The following RAB11A variants were observed in gnomAD, a reference collection of about 807,000 sequenced individuals.
The protein encoded by RAB11A is RAB11A, member RAS oncogene family, also known as ras-related protein Rab-11A.
RAB11A carries 9 observed loss-of-function variants against 28.0 expected under a neutral mutation model. That is an observed-to-expected ratio of 0.32 (90% CI 0.19 to 0.56). The LOEUF is 0.56. RAB11A is among the 20% of genes least tolerant of loss of function. The pLI is 0.91. For missense variants in RAB11A, 108 were observed against 269.6 expected (o/e 0.40, Z 4.20); for synonymous variants, 85 against 88.2 (o/e 0.96, Z 0.20).
chr15:65,878,656 C>T (rs1388421133), intron 3 of RAB11A, among the ~76,000 whole-genome samples: 5 of 152,100 alleles, frequency 3.3e-5, no homozygotes, highest in Admixed American at 6.5e-5. Flanking sequence ...CCGGCCTGGG[C>T]GAAAGAGCGA....
At chr15:65,881,535 T>G (rs906369795) in intron 4 of RAB11A, among the ~76,000 whole-genome samples, 1 of 152,196 alleles carries the variant, frequency 6.6e-6, no homozygotes, top group Admixed American at 6.5e-5. Context: ...TTTTTTATGT[T>G]CCATCAAATC....
intron 4 of RAB11A, among the ~76,000 whole-genome samples, chr15:65,883,487 C>T (rs1446408078): frequency 8.5e-5 from 13 of 152,158 alleles, no homozygotes. Context: ...ATTGGATGTC[C>T]TATTAATTAC....
chr15:65,886,326 T>C (rs555671624), intron 4 of RAB11A, among the ~76,000 whole-genome samples: 1 of 152,350 alleles, frequency 6.6e-6, no homozygotes, highest in African/African-American at 2.4e-5. Flanking sequence ...TTAAAATAGA[T>C]GGCTACTCTC....
rs369208666 is a variant in RAB11A at position 65,882,415 on chromosome 15, G to A, written c.511+2664G>A. ...CTTAAATGTTAACAGTCTTAAGGGA[G>A]TATTTACGTTGTGTTTTGATATTGC... is the stretch of plus-strand genomic sequence containing the variant. On this transcript the variant is annotated intron_variant, in intron 4 of 4. Transcript: ENST00000261890. 1.5e-4 allele frequency among the ~76,000 whole-genome samples: 23 copies of A among 152,306 alleles called. No homozygotes were observed. In the East Asian group the frequency reaches 2.1e-3, roughly 14 times the overall value.
intron 1 of RAB11A, among the ~76,000 whole-genome samples, chr15:65,873,895 C>T (rs189793890): frequency 1.7e-4 from 26 of 152,130 alleles, no homozygotes; most frequent in African/African-American, 4.3e-4. Flanking sequence ...CTGCCTTGAA[C>T]GCATTGTATA....
At chr15:65,876,387 C>A (rs1012821229) in intron 1 of RAB11A, among the ~76,000 whole-genome samples, 32 of 152,166 alleles carry the variant, frequency 2.1e-4, no homozygotes, top group African/African-American at 7.7e-4. Flanking sequence ...ACCTCTGCTT[C>A]CCGGGTTCAA....
Position 65,869,639 on chromosome 15 carries a change from C to T in RAB11A, c.40+14C>T, listed in dbSNP as rs766603681. The stretch of plus-strand genomic sequence containing the variant: ...ACCTCTTTAAAGGTGAGGCCATGGG[C>T]TCTCGCACTCTACACAGTCCTCGTT... On this transcript the variant is annotated intron_variant, in intron 1 of 4. Coordinates refer to ENST00000261890, the MANE Select transcript of RAB11A (RefSeq NM_004663.5). 2 of 1,610,576 alleles carry T rather than the reference C, an allele frequency of 1.2e-6. No homozygotes were observed. Among genetic ancestry groups the T allele is most frequent in the Non-Finnish European group, 8.5e-7 (1 of 1,179,170 alleles).
intron 3 of RAB11A, among the ~76,000 whole-genome samples, chr15:65,878,829 T>C (rs2078204305): frequency 6.6e-6 from 1 of 152,224 alleles, no homozygotes; most frequent in Non-Finnish European, 1.5e-5. Context: ...TACGGAATAC[T>C]ATAGCCAATG....
chr15:65,872,743 C>CT (rs1198651382), intron 1 of RAB11A, among the ~76,000 whole-genome samples: 4 of 152,114 alleles, frequency 2.6e-5, no homozygotes, highest in African/African-American at 9.7e-5. Flanking sequence ...CAGATTTCTA[C>CT]TTTTTTAAAG....
chr15:65,869,775 C>T, intron 1 of RAB11A, 150 bp downstream of exon 1: 5 of 811,938 alleles, frequency 6.2e-6, no homozygotes, highest in Non-Finnish European at 9.0e-6. Context: ...CCAGCTCAGC[C>T]TCTTCTCCCC....
At chr15:65,882,220 C>T (rs2141106619) in intron 4 of RAB11A, among the ~76,000 whole-genome samples, 1 of 152,312 alleles carries the variant, frequency 6.6e-6, no homozygotes, top group African/African-American at 2.4e-5. Flanking sequence ...ATAAATCTCA[C>T]TGTTGGTCTG....
At chr15:65,872,982 G>A (rs1456343580) in intron 1 of RAB11A, among the ~76,000 whole-genome samples, 1 of 152,164 alleles carries the variant, frequency 6.6e-6, no homozygotes. Flanking sequence ...GAGTTAGTTT[G>A]TAACTAACCA....
At chr15:65,878,547 C>T (rs1223598429) in intron 3 of RAB11A, among the ~76,000 whole-genome samples, 3 of 152,128 alleles carry the variant, frequency 2.0e-5, no homozygotes, top group Admixed American at 1.3e-4. Flanking sequence ...GGCGCGGTGG[C>T]GGGCGCCTGT....
intron 1 of RAB11A, among the ~76,000 whole-genome samples, chr15:65,874,227 CTT>C (rs1005009654): frequency 1.6e-4 from 23 of 141,136 alleles, no homozygotes; most frequent in East Asian, 2.1e-4. Context: ...TAGTTGATAA[CTT>C]TTTTTTTTTT....
In RAB11A at chr15:65,889,314, TTTAGTGTA is replaced by T. The variant is rs2078272706; in HGVS notation, c.*1480_*1487del. 1 of 152,242 alleles carries T rather than the reference TTTAGTGTA, an allele frequency of 6.6e-6. No homozygotes were observed. The highest frequency in any genetic ancestry group is 6.5e-5 in the Admixed American group (1 of 15,278). The allele number at this position is 152,242 out of a possible 1,614,324, so 9.4% of individuals were successfully genotyped here. ...TTTTCTTCTATAGCCATTTTATTAT[TTTAGTGTA>T]TTAGTTATGAAGATAATATTATCTA... On this transcript the variant is annotated 3_prime_UTR_variant, in exon 5 of 5. Transcript: ENST00000261890.
intron 1 of RAB11A, chr15:65,869,921 C>G (rs1355644521): frequency 3.4e-6 from 1 of 298,356 alleles, no homozygotes. Context: ...TTCCTTTCCC[C>G]GGGTTCTACG....
chr15:65,870,866 G>GT (rs77143810), intron 1 of RAB11A, among the ~76,000 whole-genome samples: 106 of 146,978 alleles, frequency 7.2e-4, no homozygotes, highest in Middle Eastern at 7.0e-3. Flanking sequence ...AAGGAATCCG[G>GT]TTTTTTTTTT....
chr15:65,879,028 CTG>C (rs1373390909), intron 3 of RAB11A, among the ~76,000 whole-genome samples: 2 of 145,568 alleles, frequency 1.4e-5, no homozygotes, highest in East Asian at 2.1e-4. Flanking sequence ...GGATCTCACT[CTG>C]TGACCCATTC....
chr15:65,869,515 C>A lies in RAB11A; in HGVS notation c.-71C>A. On this transcript the variant is annotated 5_prime_UTR_variant, in exon 1 of 5. Transcript: ENST00000261890. ...CAGTTGAAGCTCGGCGCTCGGGTTA[C>A]CCCTGCAGCGACGCCCCCTGGTCCC... The A allele has an allele frequency of 1.3e-6, 2 of 1,579,092 alleles. No homozygotes were observed. The highest frequency in any genetic ancestry group is 8.6e-7 in the Non-Finnish European group (1 of 1,164,080).
Sources: gnomAD v4.1 joint callset for allele counts (sites outside exome capture counted in the v4.1 genomes callset) on GRCh38, gnomAD v4.1.1 for gene constraint, MANE v1.5 for transcripts, NCBI Gene and HGNC (gene_info 2026-07-23, HGNC 2026-07-21) for gene names.